Variants in CNBD1 observed in about 807,000 individuals in gnomAD.
The protein encoded by CNBD1 is cyclic nucleotide binding domain containing 1.
A neutral mutation model predicts 54.4 loss-of-function variants in CNBD1; 71 were observed. The observed-to-expected ratio is 1.30, with a 90% CI of 1.08 to 1.59. CNBD1 has a LOEUF of 1.59. Ranked by LOEUF, CNBD1 falls within the 40% of genes most tolerant of loss-of-function variation. The pLI is 0.00. For synonymous variants in CNBD1, 182 were observed against 170.7 expected (o/e 1.07, Z -0.51); for missense variants, 659 against 518.0 (o/e 1.27, Z -2.64).
chr8:87,137,955 C>T lies in CNBD1; in HGVS notation c.432-68038C>T, dbSNP rs112907553. ...GATTCTTCATTTTGTTCTTGAAGCCCTTGGGGGGAAAAAAGGAGAAGCATA... is the reference window on the plus strand; with the variant it reads ...GATTCTTCATTTTGTTCTTGAAGCCTTTGGGGGGAAAAAAGGAGAAGCATA... On this transcript the variant is annotated intron_variant, in intron 4 of 10. Coordinates refer to ENST00000518476, the MANE Select transcript of CNBD1 (RefSeq NM_173538.3). 3.3e-3 allele frequency among the ~76,000 whole-genome samples: 496 copies of T among 151,898 alleles called. 4 individuals are homozygous for T. The highest frequency in any genetic ancestry group is 0.011 in the African/African-American group (459 of 41,398).
At chr8:87,061,747 A>G (rs1188175881) in intron 4 of CNBD1, among the ~76,000 whole-genome samples, 1 of 152,246 alleles carries the variant, frequency 6.6e-6, no homozygotes, top group East Asian at 1.9e-4. Flanking sequence ...AAAATATGTT[A>G]TCAATATACA....
At chr8:87,394,524 A>G (rs1238182720) in intron 2 of CNBD1, among the ~76,000 whole-genome samples, 1 of 151,890 alleles carries the variant, frequency 6.6e-6, no homozygotes, top group Non-Finnish European at 1.5e-5. Context: ...CACATAAAAG[A>G]ATAAGTGGTG....
chr8:87,056,095 A>G (rs933599159), intron 4 of CNBD1, among the ~76,000 whole-genome samples: 1 of 152,172 alleles, frequency 6.6e-6, no homozygotes, highest in Non-Finnish European at 1.5e-5. Context: ...CTTTACAGAT[A>G]AAGAGTCCTA....
At chr8:87,313,853 C>G (rs1809325933) in intron 8 of CNBD1, among the ~76,000 whole-genome samples, 2 of 151,944 alleles carry the variant, frequency 1.3e-5, no homozygotes, top group South Asian at 4.1e-4. Flanking sequence ...AACATGTCAG[C>G]AACAAAAATA....
chr8:87,157,951 G>A (rs961493254), intron 4 of CNBD1, among the ~76,000 whole-genome samples: 2 of 151,990 alleles, frequency 1.3e-5, no homozygotes, highest in African/African-American at 4.8e-5. Context: ...GGAGTCAGGC[G>A]ACTAATTCTA....
At chr8:87,170,319 A>G (rs913594300) in intron 4 of CNBD1, among the ~76,000 whole-genome samples, 3 of 152,074 alleles carry the variant, frequency 2.0e-5, no homozygotes, top group African/African-American at 7.2e-5. Context: ...GAGTCTTTAT[A>G]TAAGATTATA....
intron 10 of CNBD1, among the ~76,000 whole-genome samples, chr8:87,381,746 C>G (rs1811079054): frequency 6.6e-6 from 1 of 151,644 alleles, no homozygotes; most frequent in Non-Finnish European, 1.5e-5. Context: ...ATGAAATAAG[C>G]CAGTCACAGA....
At chr8:87,421,066 T>C (rs1460156415) in intron 2 of CNBD1, among the ~76,000 whole-genome samples, 4 of 152,042 alleles carry the variant, frequency 2.6e-5, no homozygotes, top group Non-Finnish European at 5.9e-5. Flanking sequence ...TTCATAATTT[T>C]AAACATTTGG....
chr8:86,993,941 C>G (rs1460299933), intron 4 of CNBD1, among the ~76,000 whole-genome samples: 1 of 152,192 alleles, frequency 6.6e-6, no homozygotes, highest in Admixed American at 6.5e-5. Context: ...TACCTGTGCA[C>G]TTCCTTTGTT....
intron 8 of CNBD1, among the ~76,000 whole-genome samples, chr8:87,310,368 C>G (rs891858457): frequency 6.6e-6 from 1 of 151,842 alleles, no homozygotes. Context: ...AAAATGCAAT[C>G]CCATTTACAA....
chr8:87,249,453 T>G (rs1454926306), intron 6 of CNBD1, among the ~76,000 whole-genome samples: 4 of 152,090 alleles, frequency 2.6e-5, no homozygotes, highest in African/African-American at 9.7e-5. Flanking sequence ...AGAGGATGCT[T>G]CTTCATCATG....
intron 5 of CNBD1, among the ~76,000 whole-genome samples, chr8:87,212,896 A>G (rs2130802737): frequency 6.6e-6 from 1 of 152,282 alleles, no homozygotes; most frequent in East Asian, 1.9e-4. Flanking sequence ...CAAAGAATAG[A>G]ATCAATAAGG....
At chr8:87,310,698 A>T (rs1474816779) in intron 8 of CNBD1, among the ~76,000 whole-genome samples, 1 of 152,176 alleles carries the variant, frequency 6.6e-6, no homozygotes, top group Non-Finnish European at 1.5e-5. Context: ...CAAAAAGAAC[A>T]AAGCCAGAGG....
chr8:87,264,398 T>C (rs930079463), intron 6 of CNBD1, among the ~76,000 whole-genome samples: 1 of 152,212 alleles, frequency 6.6e-6, no homozygotes, highest in Non-Finnish European at 1.5e-5. Flanking sequence ...CAGTCTATCA[T>C]TGTTGGACAT....
chr8:87,375,128 T>C (rs571637344), intron 10 of CNBD1, among the ~76,000 whole-genome samples: 5 of 152,038 alleles, frequency 3.3e-5, no homozygotes, highest in African/African-American at 1.2e-4. Context: ...TATACACTAT[T>C]GCATCTAAGT....
At chr8:87,364,872 T>G (rs1011214683) in intron 10 of CNBD1, among the ~76,000 whole-genome samples, 1 of 152,140 alleles carries the variant, frequency 6.6e-6, no homozygotes, top group African/African-American at 2.4e-5. Flanking sequence ...TGTACCACAA[T>G]TTCTTTATCC....
At chr8:86,953,229 A>G (rs1394590256) in intron 4 of CNBD1, among the ~76,000 whole-genome samples, 1 of 152,206 alleles carries the variant, frequency 6.6e-6, no homozygotes, top group African/African-American at 2.4e-5. Flanking sequence ...TTGAGTAAAT[A>G]CTTAGAAAAG....
At chr8:87,009,938 C>T (rs1439048705) in intron 4 of CNBD1, among the ~76,000 whole-genome samples, 1 of 152,152 alleles carries the variant, frequency 6.6e-6, no homozygotes, top group Non-Finnish European at 1.5e-5. Flanking sequence ...TTCTTCTCTT[C>T]CTCCTGTTCC....
chr8:86,960,235 C>G (rs899762298), intron 4 of CNBD1, among the ~76,000 whole-genome samples: 1 of 152,158 alleles, frequency 6.6e-6, no homozygotes. Flanking sequence ...CTTTACTAGC[C>G]AAGGGAAGCC....
Sources: allele counts gnomAD v4.1 joint callset (sites outside exome capture counted in the v4.1 genomes callset), GRCh38; gene constraint gnomAD v4.1.1; transcripts MANE v1.5; gene names NCBI Gene and HGNC (gene_info 2026-07-23, HGNC 2026-07-21).